The following ZNF362 variants were observed in gnomAD, a reference collection of about 807,000 sequenced individuals.
ZNF362 encodes rotund homolog.
Under a neutral mutation model 42.9 loss-of-function variants are expected in ZNF362, and 11 were observed. That is an observed-to-expected ratio of 0.26 (90% CI 0.16 to 0.42). The LOEUF (loss-of-function observed/expected upper bound fraction) is 0.42. ZNF362 is among the 20% of genes least tolerant of loss of function. ZNF362 has a pLI of 1.00. For synonymous variants in ZNF362, 255 were observed against 257.3 expected (o/e 0.99, Z 0.09); for missense variants, 362 against 576.2 (o/e 0.63, Z 3.81).
chr1:33,225,664 G>A, the ZNF362 span, among the ~76,000 whole-genome samples: 31 of 152,090 alleles, frequency 2.0e-4, no homozygotes, highest in East Asian at 5.8e-4. Context: ...GATGTTTTCC[G>A]TTGCAAGTTA....
the ZNF362 span, among the ~76,000 whole-genome samples, chr1:33,231,687 GT>G: frequency 6.6e-6 from 1 of 152,148 alleles, no homozygotes; most frequent in African/African-American, 2.4e-5. Flanking sequence ...TCCATGCTGG[GT>G]TTTGATTATC....
the ZNF362 span, among the ~76,000 whole-genome samples, chr1:33,236,635 G>A: frequency 4.5e-3 from 621 of 136,616 alleles, 5 homozygotes; most frequent in African/African-American, 0.016. Flanking sequence ...AATTTATGTT[G>A]TAGTTTAGTC....
chr1:33,230,657 G>A, the ZNF362 span, among the ~76,000 whole-genome samples: 2 of 152,226 alleles, frequency 1.3e-5, no homozygotes, highest in East Asian at 1.9e-4. Flanking sequence ...TAGGGAACAC[G>A]ATTTGCATCC....
Position 33,294,886 on chromosome 1 carries a change from G to A in ZNF362, c.909-51G>A. ...GAGTAAGGACTTGGGAACTGGAGCG[G>A]TCTTGGGGTGTGTGTCAGGGACTTC... On this transcript the variant is annotated intron_variant, in intron 6 of 8. Transcript: ENST00000539719. The surrounding 1 kb of genome is among the most constrained non-coding windows in gnomAD (Gnocchi z 4.2). The A allele has an allele frequency of 6.2e-7, 1 of 1,605,458 alleles. No individual in the cohort carries two copies. Among genetic ancestry groups the A allele is most frequent in the South Asian group, 1.1e-5 (1 of 90,802 alleles).
the ZNF362 span, among the ~76,000 whole-genome samples, chr1:33,189,501 C>T: frequency 6.6e-6 from 1 of 151,038 alleles, no homozygotes; most frequent in Non-Finnish European, 1.5e-5. Flanking sequence ...AGTTGATCCC[C>T]CATATATATA....
At chr1:33,177,071 A>ATG in the ZNF362 span, among the ~76,000 whole-genome samples, 49 of 11,112 alleles carry the variant, frequency 4.4e-3, no homozygotes, top group East Asian at 0.11. The surrounding 1 kb of genome is among the most constrained non-coding windows in gnomAD (Gnocchi z 4.1). Context: ...ACACATGCAC[A>ATG]CACACACATG....
chr1:33,158,241 C>A, the ZNF362 span: 88 of 1,612,150 alleles, frequency 5.5e-5, no homozygotes, highest in Middle Eastern at 4.9e-4. Context: ...ACCATGATAA[C>A]CCATGCCTTA....
intron 6 of ZNF362, among the ~76,000 whole-genome samples, chr1:33,286,354 A>G (rs1425037117): frequency 1.3e-5 from 2 of 151,922 alleles, no homozygotes; most frequent in Non-Finnish European, 2.9e-5. Context: ...TCCAAGAAGT[A>G]GACTTTGTTT....
At position 33,281,926 on chromosome 1, in the gene ZNF362, C is replaced by T. The variant is rs913523095; in HGVS notation, c.908+115C>T. On this transcript the variant is annotated intron_variant, in intron 6 of 8. Coordinates refer to ENST00000539719, the MANE Select transcript of ZNF362 (RefSeq NM_152493.3). This position sits in a 1 kb window ranked among gnomAD's most constrained non-coding sequence, Gnocchi z 4.8. ...ACCTTCTCCAGGTGCCCATTGCCCT[C>T]GGGGTCACGGCCCTTGTGGACCTCA... 81 of 1,059,136 alleles carry T rather than the reference C, an allele frequency of 7.6e-5. No homozygotes were observed. Among genetic ancestry groups the T allele is most frequent in the East Asian group, 1.5e-4 (6 of 40,334 alleles). The allele number at this position is 1,059,136 out of a possible 1,614,324, so 65.6% of individuals were successfully genotyped here.
the ZNF362 span, among the ~76,000 whole-genome samples, chr1:33,191,373 C>T: frequency 6.6e-6 from 1 of 152,218 alleles, no homozygotes; most frequent in African/African-American, 2.4e-5. Context: ...TCTTCTCCAT[C>T]CCTATGTTCC....
At chr1:33,145,823 G>A in the ZNF362 span, 11 of 469,282 alleles carry the variant, frequency 2.3e-5, no homozygotes, top group South Asian at 1.7e-4. Flanking sequence ...GCAGAAAAAC[G>A]CAGGTGGGGC....
At position 33,281,479 on chromosome 1, in the gene ZNF362, C is replaced by T; in HGVS notation, c.684-108C>T. ...GTGGTCCTGTGCTTCTTGGGCTCAT[C>T]ACAGGAAAGACCTGTCCCAGGTGCA... is the stretch of plus-strand genomic sequence containing the variant. On this transcript the variant is annotated intron_variant, in intron 5 of 8. Coordinates refer to ENST00000539719, the MANE Select transcript of ZNF362 (RefSeq NM_152493.3). This position sits in a 1 kb window ranked among gnomAD's most constrained non-coding sequence, Gnocchi z 4.8. The T allele has an allele frequency of 9.3e-7, 1 of 1,075,278 alleles. No individual in the cohort carries two copies. The highest frequency in any genetic ancestry group is 1.5e-5 in the South Asian group (1 of 68,348). 66.6% of individuals were successfully genotyped at this position (1,075,278 alleles called of 1,614,324 possible). A position where few individuals can be genotyped will look rare whatever the true frequency, so the allele number is the denominator to read the frequency against.
At chr1:33,250,813 G>T in the ZNF362 span, among the ~76,000 whole-genome samples, 1 of 148,040 alleles carries the variant, frequency 6.8e-6, no homozygotes, top group African/African-American at 2.5e-5. Flanking sequence ...AGGAGAAGAA[G>T]AAGAAGAGAA....
At chr1:33,175,956 T>C in the ZNF362 span, among the ~76,000 whole-genome samples, 3 of 152,214 alleles carry the variant, frequency 2.0e-5, no homozygotes, top group Non-Finnish European at 4.4e-5. Flanking sequence ...GCCCTAAGCT[T>C]CTACACTGTG....
the ZNF362 span, among the ~76,000 whole-genome samples, chr1:33,176,894 G>A: frequency 6.6e-6 from 1 of 152,228 alleles, no homozygotes; most frequent in Non-Finnish European, 1.5e-5. Context: ...CCTTAGTGCA[G>A]TCCCAGGCAT....
chr1:33,265,330 G>A (rs1645857977), intron 1 of ZNF362, among the ~76,000 whole-genome samples: 1 of 151,876 alleles, frequency 6.6e-6, no homozygotes, highest in Non-Finnish European at 1.5e-5. Flanking sequence ...GTTGGGGAGG[G>A]GGAGGGACAG....
Position 33,296,704 on chromosome 1 carries a change from TGGCAC to T in ZNF362, c.1146+1401_1146+1405del, listed in dbSNP as rs1461385633. On this transcript the variant is annotated intron_variant, in intron 8 of 8. Coordinates refer to ENST00000539719, the MANE Select transcript of ZNF362 (RefSeq NM_152493.3). ...CGAACCCCCTGAGGGGTAACAAACT[TGGCAC>T]GTTACAAGAACTCAAAGGAAATTAG... Among the ~76,000 whole-genome samples, 5 of 152,202 alleles carry T rather than the reference TGGCAC, an allele frequency of 3.3e-5. No individual in the cohort carries two copies. In the East Asian group the frequency reaches 9.7e-4, roughly 30 times the overall value.
chr1:33,207,615 G>T, the ZNF362 span, among the ~76,000 whole-genome samples: 1 of 152,172 alleles, frequency 6.6e-6, no homozygotes, highest in Admixed American at 6.5e-5. Flanking sequence ...AGCATCTGTT[G>T]TTTCCTGACT....
chr1:33,214,204 G>C, the ZNF362 span, among the ~76,000 whole-genome samples: 1 of 152,158 alleles, frequency 6.6e-6, no homozygotes, highest in Non-Finnish European at 1.5e-5. Context: ...CATCTACAGT[G>C]AACTCATTTT....
Sources: allele counts gnomAD v4.1 joint callset (sites outside exome capture counted in the v4.1 genomes callset), GRCh38; gene constraint gnomAD v4.1.1; non-coding constraint Gnocchi (gnomAD v3.1); transcripts MANE v1.5; gene names NCBI Gene and HGNC (gene_info 2026-07-23, HGNC 2026-07-21).